RCOR3: variants seen among roughly 807,000 people sequenced by gnomAD.
RCOR3 encodes the protein REST corepressor 3.
A neutral mutation model predicts 64.1 loss-of-function variants in RCOR3; 13 were observed. The ratio of observed to expected loss-of-function variants is 0.20; its 90% CI spans 0.13 to 0.32. The LOEUF is 0.32. Among genes scored for constraint, RCOR3 ranks in the 10% least tolerant of loss-of-function variants. The pLI is 1.00. For synonymous variants in RCOR3, 215 were observed against 239.0 expected, an observed-to-expected ratio of 0.90 and a Z score of 0.93; for missense variants, 489 against 701.2, an observed-to-expected ratio of 0.70 and a Z score of 3.42.
intron 8 of RCOR3, among the ~76,000 whole-genome samples, chr1:211,292,285 C>T (rs1699334662): frequency 6.6e-6 from 1 of 152,212 alleles, no homozygotes; most frequent in Non-Finnish European, 1.5e-5. Flanking sequence ...ACCAACGCAT[C>T]TCATATTTGG....
At chr1:211,283,800 T>C (rs925021995) in intron 7 of RCOR3, among the ~76,000 whole-genome samples, 6 of 148,212 alleles carry the variant, frequency 4.0e-5, no homozygotes, top group Non-Finnish European at 8.9e-5. Context: ...TGAGCCAGCA[T>C]GCCTGGCTTG....
At chr1:211,275,057 G>T in intron 4 of RCOR3, among the ~76,000 whole-genome samples, 1 of 150,644 alleles carries the variant, frequency 6.6e-6, no homozygotes. Flanking sequence ...ACTATATATA[G>T]AGAGACAAAT....
intron 9 of RCOR3, chr1:211,303,661 A>C (rs1700597436): frequency 6.6e-6 from 1 of 152,510 alleles, no homozygotes; most frequent in Admixed American, 6.5e-5. Context: ...TTTCTGCTTC[A>C]GAAATTTTAA....
chr1:211,309,086 TAAAAAAAAA>T (rs10688171), intron 10 of RCOR3, among the ~76,000 whole-genome samples: 2 of 113,908 alleles, frequency 1.8e-5, no homozygotes, highest in Non-Finnish European at 3.4e-5. Context: ...TAGCTAAACA[TAAAAAAAAA>T]AAAAAAAAAA....
At chr1:211,298,172 G>A (rs989866678) in intron 9 of RCOR3, among the ~76,000 whole-genome samples, 1 of 152,136 alleles carries the variant, frequency 6.6e-6, no homozygotes, top group African/African-American at 2.4e-5. Context: ...TAAAAAAAAA[G>A]AACTTGCAGT....
chr1:211,296,248 ACAAGGTATAGATTGACCATTTTCT>A (rs1235335108), intron 9 of RCOR3, among the ~76,000 whole-genome samples: 2 of 152,202 alleles, frequency 1.3e-5, no homozygotes, highest in Non-Finnish European at 2.9e-5. Flanking sequence ...ACTTACAAAA[ACAAGGTATAGATTGACCATTTTCT>A]CAAGTCTTCT....
intron 10 of RCOR3, among the ~76,000 whole-genome samples, chr1:211,308,840 T>C (rs973161116): frequency 6.6e-6 from 1 of 151,570 alleles, no homozygotes; most frequent in Non-Finnish European, 1.5e-5. Flanking sequence ...TCCTCCTGAA[T>C]AGCTGGGACT....
chr1:211,264,040 C>G (rs1240517461), intron 2 of RCOR3, among the ~76,000 whole-genome samples: 1 of 152,148 alleles, frequency 6.6e-6, no homozygotes, highest in Non-Finnish European at 1.5e-5. Context: ...CCGGGCTAGT[C>G]TTGAACTCCT....
At chr1:211,263,825 T>C (rs562017219) in intron 2 of RCOR3, among the ~76,000 whole-genome samples, 1 of 151,296 alleles carries the variant, frequency 6.6e-6, no homozygotes, top group Non-Finnish European at 1.5e-5. Context: ...GTTTTGTTTT[T>C]TTTTTGTTTT....
intron 7 of RCOR3, 62 bp downstream of exon 7, chr1:211,279,378 A>G (rs1571868436): frequency 3.1e-6 from 4 of 1,271,036 alleles, no homozygotes; most frequent in East Asian, 2.3e-5. Flanking sequence ...AAGAATGAAC[A>G]GTACTTCGTA....
intron 4 of RCOR3, 78 bp downstream of exon 4, chr1:211,274,340 C>G (rs1696655005): frequency 9.7e-7 from 1 of 1,030,930 alleles, no homozygotes; most frequent in Non-Finnish European, 1.5e-6. Context: ...TAGTTTCTGT[C>G]CTAACAGCGT....
At chr1:211,311,083 A>G (rs1027079722) in intron 10 of RCOR3, among the ~76,000 whole-genome samples, 1 of 152,206 alleles carries the variant, frequency 6.6e-6, no homozygotes, top group African/African-American at 2.4e-5. Flanking sequence ...GTAGAGAAGT[A>G]CTTGAATATA....
At chr1:211,303,515 A>G (rs1480234891) in intron 9 of RCOR3, 1 of 152,222 alleles carries the variant, frequency 6.6e-6, no homozygotes, top group Admixed American at 6.6e-5. Flanking sequence ...TTTACCACTC[A>G]GTGGGTATAC....
At chr1:211,263,654 A>C (rs1480027953) in intron 2 of RCOR3, among the ~76,000 whole-genome samples, 1 of 152,182 alleles carries the variant, frequency 6.6e-6, no homozygotes, top group Non-Finnish European at 1.5e-5. Flanking sequence ...GGCATTTTTT[A>C]CAGGGAAATA....
chr1:211,260,508 A>C (rs1694061465), intron 2 of RCOR3, among the ~76,000 whole-genome samples: 1 of 152,172 alleles, frequency 6.6e-6, no homozygotes, highest in South Asian at 2.1e-4. Flanking sequence ...AGGCGTGCGG[A>C]CTGTATGGAC....
At position 211,313,332 on chromosome 1, in the gene RCOR3, G is replaced by A; in HGVS notation, c.1318-92G>A. The A allele has an allele frequency of 6.7e-7, 1 of 1,487,546 alleles. No individual in the cohort carries two copies. Among genetic ancestry groups the A allele is most frequent in the Non-Finnish European group, 8.9e-7 (1 of 1,122,366 alleles). The allele number at this position is 1,487,546 out of a possible 1,614,324, so 92.1% of individuals were successfully genotyped here. ...TTATGTTTTTGTTTTGTTTTGATTT[G>A]TTTTGTTTTTCCTGTGACAGCCCAA... On this transcript the variant is annotated intron_variant, in intron 11 of 11. Transcript: ENST00000419091. The surrounding 1 kb of genome is among the most constrained non-coding windows in gnomAD (Gnocchi z 4.7).
At position 211,276,260 on chromosome 1, in the gene RCOR3, C is replaced by T; in HGVS notation, c.358C>T (p.Leu120Phe). The T allele has an allele frequency of 6.2e-7, 1 of 1,611,444 alleles. No homozygotes were observed. The highest frequency in any genetic ancestry group is 8.5e-7 in the Non-Finnish European group (1 of 1,178,594). Residue 120 changes from leucine to phenylalanine, a missense_variant, in exon 5 of 12, where the codon CTT becomes TTT. Coordinates refer to ENST00000419091, the MANE Select transcript of RCOR3 (RefSeq NM_001136223.3). Reference protein sequence around the residue: ...EKHGYNVEQALGMLFWHKHNI... With the variant: ...EKHGYNVEQAFGMLFWHKHNI... ...GGGGAATGATTTCTCTTCAAAGGCA[C>T]TTGGCATGTTGTTCTGGCATAAACA...
chr1:211,298,015 A>C (rs1355304412), intron 9 of RCOR3, among the ~76,000 whole-genome samples: 1 of 152,214 alleles, frequency 6.6e-6, no homozygotes, highest in Admixed American at 6.5e-5. Flanking sequence ...TTAGGGAAAA[A>C]TGGGTTGAAG....
Position 211,262,033 on chromosome 1 carries a change from C to CTTTTTTTTT in RCOR3, c.223+1883_223+1891dup, listed in dbSNP as rs1196587722. On this transcript the variant is annotated intron_variant, in intron 2 of 11. Transcript: ENST00000419091. The stretch of plus-strand genomic sequence containing the variant: ...GCCTCAGTATTCCTAGCTATAAAAA[C>CTTTTTTTTT]TTTTTTTTTTTTTTTTTTTTTTGAG... 1.9e-3 allele frequency among the ~76,000 whole-genome samples: 122 copies of CTTTTTTTTT among 65,512 alleles called. 18 individuals are homozygous for CTTTTTTTTT. The highest frequency in any genetic ancestry group is 0.024 in the Middle Eastern group (1 of 42). 43.0% of individuals were successfully genotyped at this position (65,512 alleles called of 152,430 possible).
Sources: allele counts gnomAD v4.1 joint callset (sites outside exome capture counted in the v4.1 genomes callset), GRCh38; gene constraint gnomAD v4.1.1; non-coding constraint Gnocchi (gnomAD v3.1); transcripts MANE v1.5; gene names NCBI Gene and HGNC (gene_info 2026-07-23, HGNC 2026-07-21).